The following EXT1 variants were observed in gnomAD, a reference collection of about 807,000 sequenced individuals.
EXT1 encodes the protein exostosin glycosyltransferase 1.
EXT1 carries 20 observed loss-of-function variants against 82.5 expected under a neutral mutation model. The ratio of observed to expected loss-of-function variants is 0.24; its 90% CI spans 0.17 to 0.35. EXT1 has a LOEUF of 0.35. Ranked by LOEUF, EXT1 falls within the 10% of genes least tolerant of loss-of-function variation. The pLI is 1.00. For synonymous variants in EXT1, 348 were observed against 350.8 expected, an observed-to-expected ratio of 0.99 and a Z score of 0.09; for missense variants, 757 against 936.5, an observed-to-expected ratio of 0.81 and a Z score of 2.50.
At position 117,799,860 on chromosome 8, in the gene EXT1, A is replaced by G; in HGVS notation, c.2093T>C (p.Phe698Ser). Residue 698 changes from phenylalanine (F) to serine (S), a missense_variant, in exon 11 of 11, where the codon TTT (phenylalanine) becomes TCT (serine). Transcript: ENST00000378204. ...ATTCATGCAGCTCTGTCGCTGGGCA[A>G]AGTGGTCAGGGTCAGCCCAACGGGA... The part of the protein sequence containing the change: ...RASRWADPDH[F>S]AQRQSCMNTF... 6.2e-7 allele frequency: 1 copy of G among 1,614,178 alleles called. No individual in the cohort carries two copies. The highest frequency in any genetic ancestry group is 1.1e-5 in the South Asian group (1 of 91,084).
At chr8:117,902,550 A>G (rs1242328850) in intron 1 of EXT1, among the ~76,000 whole-genome samples, 1 of 151,100 alleles carries the variant, frequency 6.6e-6, no homozygotes, top group African/African-American at 2.4e-5. Flanking sequence ...AGCATCTTCT[A>G]TGACGTCATT....
Position 118,110,192 on chromosome 8 carries a change from G to A in EXT1, c.855C>T (p.His285=), listed in dbSNP as rs2130041452. The A allele has an allele frequency of 3.1e-6, 5 of 1,614,202 alleles. No individual in the cohort carries two copies. In the Middle Eastern group the frequency reaches 6.6e-4, roughly 213 times the overall value. Reference sequence around the variant, plus strand: ...GCACAACGTCCTCCCCGTTATGGACGTGATATAAGGCATTCCTGGTGTCTG... The same window carrying A: ...GCACAACGTCCTCCCCGTTATGGACATGATATAAGGCATTCCTGGTGTCTG... ...IGSDTRNALY[H]VHNGEDVVLL... Residue 285 remains histidine (H), a synonymous_variant, in exon 1 of 11, where the codon CAC becomes CAT. Transcript: ENST00000378204.
chr8:117,799,385 G>A lies in EXT1; in HGVS notation c.*327C>T. 1 of 324,354 alleles carries A rather than the reference G, an allele frequency of 3.1e-6. No individual in the cohort carries two copies. The highest frequency in any genetic ancestry group is 5.8e-6 in the Non-Finnish European group (1 of 173,140). 20.1% of individuals were successfully genotyped at this position (324,354 alleles called of 1,614,324 possible). A position where few individuals can be genotyped will look rare whatever the true frequency, so the allele number is the denominator to read the frequency against. On this transcript the variant is annotated 3_prime_UTR_variant, in exon 11 of 11. Coordinates refer to ENST00000378204, the MANE Select transcript of EXT1 (RefSeq NM_000127.3). Reference sequence around the variant, plus strand: ...CAATTTTGATTAAACAAAGAACTCTGGTTTTTAATAGTTTTGATCATTAAA... The same window carrying A: ...CAATTTTGATTAAACAAAGAACTCTAGTTTTTAATAGTTTTGATCATTAAA...
intron 1 of EXT1, among the ~76,000 whole-genome samples, chr8:117,920,651 G>A (rs183772211): frequency 6.6e-6 from 1 of 152,228 alleles, no homozygotes; most frequent in Non-Finnish European, 1.5e-5. Flanking sequence ...GCCTTTACAC[G>A]ACCAATACGC....
At chr8:118,064,842 T>C (rs2129950338) in intron 1 of EXT1, among the ~76,000 whole-genome samples, 1 of 149,678 alleles carries the variant, frequency 6.7e-6, no homozygotes, top group East Asian at 2.0e-4. Context: ...CAGCATCTGT[T>C]GTTTCCTGAA....
chr8:117,998,708 T>C (rs1815598139), intron 1 of EXT1, among the ~76,000 whole-genome samples: 1 of 152,104 alleles, frequency 6.6e-6, no homozygotes, highest in Non-Finnish European at 1.5e-5. Context: ...CACACAAATA[T>C]AGAAGAGCTG....
At chr8:118,036,521 T>G (rs7813805) in intron 1 of EXT1, among the ~76,000 whole-genome samples, 73,611 of 151,982 alleles carry the variant, frequency 0.48, 18,559 homozygotes, top group African/African-American at 0.61. Context: ...AATTCCAGTT[T>G]AGTCACAAAC....
At chr8:117,881,214 G>A (rs970493583) in intron 1 of EXT1, among the ~76,000 whole-genome samples, 5 of 152,068 alleles carry the variant, frequency 3.3e-5, no homozygotes, top group African/African-American at 1.2e-4. Context: ...TTCTGTGGCT[G>A]CTACTACAGA....
At chr8:118,066,471 G>A (rs1816990728) in intron 1 of EXT1, among the ~76,000 whole-genome samples, 1 of 151,776 alleles carries the variant, frequency 6.6e-6, no homozygotes, top group Admixed American at 6.6e-5. Flanking sequence ...CGATTCTCCT[G>A]CCTCAGCCTC....
At chr8:117,918,097 C>T (rs1375837178) in intron 1 of EXT1, among the ~76,000 whole-genome samples, 1 of 152,092 alleles carries the variant, frequency 6.6e-6, no homozygotes, top group Non-Finnish European at 1.5e-5. Context: ...CAAAGCCTCC[C>T]GTAATGCAGC....
intron 1 of EXT1, among the ~76,000 whole-genome samples, chr8:117,859,284 C>A (rs1812639615): frequency 6.6e-6 from 1 of 152,170 alleles, no homozygotes; most frequent in Non-Finnish European, 1.5e-5. Context: ...CAAAACCCAG[C>A]CACTAGTTCA....
chr8:118,065,783 T>C lies in EXT1; in HGVS notation c.962+44302A>G, dbSNP rs372874246. The stretch of plus-strand genomic sequence containing the variant: ...GTATTGGGAAAAGTTAGGAATGTAA[T>C]ATTTAGTGGGTGGGCATTTTTAAAT... On this transcript the variant is annotated intron_variant, in intron 1 of 10. Transcript: ENST00000378204. Among the ~76,000 whole-genome samples the C allele has an allele frequency of 4.6e-5, 7 of 152,322 alleles. 1 individual carries two copies. The highest frequency in any genetic ancestry group is 2.6e-4 in the Admixed American group (4 of 15,304).
chr8:117,944,003 C>G (rs1323845238), intron 1 of EXT1, among the ~76,000 whole-genome samples: 1 of 152,182 alleles, frequency 6.6e-6, no homozygotes, highest in Non-Finnish European at 1.5e-5. Context: ...AACTACCTTT[C>G]TCAGAAACTC....
At chr8:118,053,543 G>C (rs1186230921) in intron 1 of EXT1, among the ~76,000 whole-genome samples, 2 of 152,164 alleles carry the variant, frequency 1.3e-5, no homozygotes, top group Non-Finnish European at 1.5e-5. Context: ...CTTTTCAAAA[G>C]ATGGGTCCTT....
intron 1 of EXT1, among the ~76,000 whole-genome samples, chr8:117,970,867 G>A (rs572167746): frequency 1.1e-4 from 16 of 152,250 alleles, no homozygotes; most frequent in East Asian, 3.9e-4. Flanking sequence ...ACTCACAAGC[G>A]GTGAATCCTG....
At chr8:117,834,762 A>C (rs1294114977) in intron 3 of EXT1, among the ~76,000 whole-genome samples, 1 of 152,172 alleles carries the variant, frequency 6.6e-6, no homozygotes, top group Non-Finnish European at 1.5e-5. Context: ...AAAAACATTA[A>C]AGTTCTAGAA....
intron 1 of EXT1, among the ~76,000 whole-genome samples, chr8:118,037,274 G>A (rs971692247): frequency 2.0e-5 from 3 of 152,082 alleles, no homozygotes; most frequent in South Asian, 4.1e-4. Flanking sequence ...GTGGGAGGGG[G>A]ATGTACGTGT....
At chr8:118,032,644 G>A (rs2129882234) in intron 1 of EXT1, among the ~76,000 whole-genome samples, 1 of 151,770 alleles carries the variant, frequency 6.6e-6, no homozygotes, top group South Asian at 2.1e-4. Flanking sequence ...CTGAGTAGCT[G>A]GGATTACAGA....
intron 7 of EXT1, 127 bp downstream of exon 7, chr8:117,818,308 A>G: frequency 1.3e-6 from 1 of 791,916 alleles, no homozygotes; most frequent in Non-Finnish European, 2.2e-6. Flanking sequence ...TATTCTGAGA[A>G]AAGTACAGTT....
Sources: gnomAD v4.1 joint callset for allele counts (sites outside exome capture counted in the v4.1 genomes callset) on GRCh38, gnomAD v4.1.1 for gene constraint, MANE v1.5 for transcripts, NCBI Gene and HGNC (gene_info 2026-07-23, HGNC 2026-07-21) for gene names.